The following POU2AF2 variants were observed in gnomAD, a reference collection of about 807,000 sequenced individuals.
POU2AF2 encodes the protein POU class 2 homeobox associating factor 2.
the POU2AF2 span, among the ~76,000 whole-genome samples, chr11:111,283,058 CTTTTTTTTTT>C: frequency 8.4e-6 from 1 of 118,456 alleles, no homozygotes; most frequent in Non-Finnish European, 1.7e-5. Context: ...AAACTTTTTA[CTTTTTTTTTT>C]TTTTTTTTTG....
chr11:111,284,404 G>C, the POU2AF2 span: 1 of 1,557,838 alleles, frequency 6.4e-7, no homozygotes, highest in Non-Finnish European at 8.6e-7. Flanking sequence ...CTCGTGTGAG[G>C]GAGTAAAAGA....
At chr11:111,266,295 G>C in the POU2AF2 span, among the ~76,000 whole-genome samples, 1 of 152,024 alleles carries the variant, frequency 6.6e-6, no homozygotes, top group African/African-American at 2.4e-5. Context: ...TCCCCCGCTG[G>C]GTGCAGCTGT....
At chr11:111,267,996 C>G in the POU2AF2 span, among the ~76,000 whole-genome samples, 1 of 152,186 alleles carries the variant, frequency 6.6e-6, no homozygotes, top group African/African-American at 2.4e-5. Context: ...TACTACTGCT[C>G]TTTGGCATTC....
chr11:111,253,934 C>A, the POU2AF2 span, among the ~76,000 whole-genome samples: 4 of 152,326 alleles, frequency 2.6e-5, no homozygotes, highest in African/African-American at 7.2e-5. Flanking sequence ...ACCCTGCCTT[C>A]CCTGAGTCTC....
chr11:111,284,814 T>C, the POU2AF2 span, among the ~76,000 whole-genome samples: 3 of 152,086 alleles, frequency 2.0e-5, no homozygotes, highest in Non-Finnish European at 4.4e-5. Context: ...TCTTTCCAAG[T>C]CCCCTGCCTC....
At chr11:111,276,227 C>T in the POU2AF2 span, among the ~76,000 whole-genome samples, 1 of 151,334 alleles carries the variant, frequency 6.6e-6, no homozygotes, top group Non-Finnish European at 1.5e-5. Flanking sequence ...ACTTGAAGAA[C>T]CTCAAAGACC....
chr11:111,263,426 TC>T, the POU2AF2 span, among the ~76,000 whole-genome samples: 2 of 144,070 alleles, frequency 1.4e-5, no homozygotes, highest in Non-Finnish European at 3.0e-5. Flanking sequence ...TTACTGAAGT[TC>T]TTTTTTTTTT....
At chr11:111,283,393 G>C in the POU2AF2 span, among the ~76,000 whole-genome samples, 9 of 148,886 alleles carry the variant, frequency 6.0e-5, no homozygotes, top group African/African-American at 2.2e-4. Context: ...TCCTAAACGT[G>C]CTGGGCCCTG....
chr11:111,285,284 C>T, the POU2AF2 span, among the ~76,000 whole-genome samples: 1 of 152,176 alleles, frequency 6.6e-6, no homozygotes, highest in Non-Finnish European at 1.5e-5. Context: ...TGACCTTCCC[C>T]ACTGTGTAAA....
the POU2AF2 span, among the ~76,000 whole-genome samples, chr11:111,258,779 CCTTGGATGGTGCCTTTGCA>C: frequency 1.3e-5 from 2 of 152,114 alleles, no homozygotes; most frequent in African/African-American, 4.8e-5. Flanking sequence ...TTTACAAGCT[CCTTGGATGGTGCCTTTGCA>C]CTTCATTGTT....
chr11:111,284,252 C>A, the POU2AF2 span: 1 of 1,614,238 alleles, frequency 6.2e-7, no homozygotes, highest in South Asian at 1.1e-5. Context: ...CTACTTCCCC[C>A]AGGAGCCCTA....
the POU2AF2 span, among the ~76,000 whole-genome samples, chr11:111,247,181 TAC>T: frequency 5.3e-3 from 224 of 42,404 alleles, no homozygotes; most frequent in African/African-American, 0.017. Context: ...TTCATACACA[TAC>T]ACACACACAG....
the POU2AF2 span, among the ~76,000 whole-genome samples, chr11:111,252,435 G>A: frequency 6.6e-6 from 1 of 152,016 alleles, no homozygotes; most frequent in African/African-American, 2.4e-5. Flanking sequence ...CTGGTCCAGG[G>A]ATCACATTTG....
chr11:111,276,439 GAAAA>G, the POU2AF2 span, among the ~76,000 whole-genome samples: 8 of 44,444 alleles, frequency 1.8e-4, no homozygotes, highest in South Asian at 1.0e-3. Flanking sequence ...CTACTAAAAA[GAAAA>G]AAAAAAAAAA....
chr11:111,254,817 A>G, the POU2AF2 span, among the ~76,000 whole-genome samples: 5 of 152,194 alleles, frequency 3.3e-5, no homozygotes, highest in Non-Finnish European at 5.9e-5. Context: ...TGCCATACAC[A>G]CTGATGCTGA....
chr11:111,251,727 C>T, the POU2AF2 span, among the ~76,000 whole-genome samples: 8 of 152,240 alleles, frequency 5.3e-5, no homozygotes, highest in Admixed American at 2.6e-4. Flanking sequence ...ACTCTTCCCC[C>T]TCCCCTGCTC....
At chr11:111,286,184 G>A in the POU2AF2 span, 25 of 1,027,532 alleles carry the variant, frequency 2.4e-5, no homozygotes, top group South Asian at 2.7e-4. Flanking sequence ...GTTAGTGGAC[G>A]AGGGCATTTA....
the POU2AF2 span, chr11:111,285,612 C>T: frequency 6.3e-7 from 1 of 1,583,854 alleles, no homozygotes; most frequent in Non-Finnish European, 8.5e-7. Context: ...ATCAGAGTGT[C>T]ACCTAGTGAA....
the POU2AF2 span, chr11:111,281,273 TCA>T: frequency 1.5e-6 from 1 of 684,612 alleles, no homozygotes; most frequent in Non-Finnish European, 2.3e-6. Flanking sequence ...GACCTGAGGG[TCA>T]ACCCAACTCC....
Sources: gnomAD v4.1 joint callset for allele counts (sites outside exome capture counted in the v4.1 genomes callset) on GRCh38, gnomAD v4.1.1 for gene constraint, MANE v1.5 for transcripts, NCBI Gene and HGNC (gene_info 2026-07-23, HGNC 2026-07-21) for gene names.